Variants in PDZD7 observed in about 807,000 individuals in gnomAD.
PDZD7 encodes PDZ domain containing 7.
A neutral mutation model predicts 84.7 loss-of-function variants in PDZD7; 72 were observed. The observed-to-expected ratio is 0.85, with a 90% confidence interval of 0.70 to 1.03. PDZD7 has a LOEUF of 1.03. PDZD7 is among the 50% of genes least tolerant of loss of function. The pLI is 0.00. For synonymous variants in PDZD7, 594 were observed against 580.7 expected (o/e 1.02, Z -0.33); for missense variants, 1,490 against 1,412.9 (o/e 1.05, Z -0.87).
intron 2 of PDZD7, among the ~76,000 whole-genome samples, chr10:101,029,356 T>C (rs1047745542): frequency 7.0e-6 from 1 of 143,304 alleles, no homozygotes; most frequent in African/African-American, 2.6e-5. Flanking sequence ...CTAGGTCCCT[T>C]GTAACACCTC....
At chr10:101,023,869 A>G (rs772883913) in intron 3 of PDZD7, 59 bp downstream of exon 3, 3 of 1,613,228 alleles carry the variant, frequency 1.9e-6, no homozygotes, top group Non-Finnish European at 2.5e-6. Context: ...ATCCCCTGCC[A>G]TTCACTGAGA....
chr10:101,011,238 C>T (rs1363480525), intron 14 of PDZD7: 12 of 433,318 alleles, frequency 2.8e-5, no homozygotes, highest in Non-Finnish European at 4.4e-5. Flanking sequence ...GACGGGGTTT[C>T]GCCATGTTGG....
In PDZD7 at chr10:101,010,430, G is replaced by T. The variant is rs1365350808; in HGVS notation, c.2459C>A (p.Pro820His). 1.3e-6 allele frequency: 2 copies of T among 1,536,110 alleles called. No homozygotes were observed. Among genetic ancestry groups the T allele is most frequent in the Non-Finnish European group, 1.7e-6 (2 of 1,146,910 alleles). ...CCCATCCAGAGGTCGTGGCAGAGGG[G>T]GTCTGGCCTTCCGAGGCTTGTGGTA... ...GRYHKPRKAR[P>H]PLPRPLDGEA... Residue 820 changes from proline (P) to histidine (H), a missense_variant, in exon 15 of 17, where the codon CCC becomes CAC. Coordinates refer to ENST00000619208, the MANE Select transcript of PDZD7 (RefSeq NM_001195263.2).
chr10:101,025,536 T>TTATG, intron 2 of PDZD7, among the ~76,000 whole-genome samples: 1 of 149,234 alleles, frequency 6.7e-6, no homozygotes, highest in South Asian at 2.1e-4. Flanking sequence ...ATTTATTTAT[T>TTATG]TATTTATTTA....
At position 101,015,628 on chromosome 10, in the gene PDZD7, A is replaced by T. The variant is rs1852584795; in HGVS notation, c.1749+8T>A. On this transcript the variant is annotated splice_region_variant and intron_variant, in intron 11 of 16. Transcript: ENST00000619208. ...TGTGCCAGGGCTGCGGATGGGATGA[A>T]GGCTTACCCGGGAGCAGTGGCGGGT... 1 of 1,549,608 alleles carries T rather than the reference A, an allele frequency of 6.5e-7. No homozygotes were observed. Among genetic ancestry groups the T allele is most frequent in the African/African-American group, 1.4e-5 (1 of 73,004 alleles).
At chr10:101,028,359 C>T (rs1235814421) in intron 2 of PDZD7, among the ~76,000 whole-genome samples, 1 of 151,932 alleles carries the variant, frequency 6.6e-6, no homozygotes, top group African/African-American at 2.4e-5. Flanking sequence ...AGGCTGAGGC[C>T]GGAAGATCAC....
chr10:101,017,766 A>G, intron 9 of PDZD7: 1 of 535,172 alleles, frequency 1.9e-6, no homozygotes, highest in Non-Finnish European at 3.3e-6. Flanking sequence ...CGCCTGGGCA[A>G]CAAGAGCAAA....
chr10:101,022,499 C>T (rs2134091547), intron 4 of PDZD7, 114 bp from the exon 5 acceptor site: 1 of 1,261,372 alleles, frequency 7.9e-7, no homozygotes, highest in Non-Finnish European at 1.1e-6. Flanking sequence ...GGGGACTCCC[C>T]AGGCCTGAGA....
intron 6 of PDZD7, among the ~76,000 whole-genome samples, 183 bp downstream of exon 6, chr10:101,021,615 C>G (rs576160894): frequency 1.8e-4 from 28 of 152,294 alleles, no homozygotes; most frequent in African/African-American, 6.7e-4. Flanking sequence ...GTGACCTGTT[C>G]GTGAGTTGCT....
intron 14 of PDZD7, chr10:101,011,445 C>T: frequency 8.8e-7 from 1 of 1,130,996 alleles, no homozygotes; most frequent in Non-Finnish European, 1.2e-6. Context: ...TCAGAGGTTA[C>T]TGCATAGAAT....
Position 101,011,696 on chromosome 10 carries a change from C to CG in PDZD7, c.1998dup (p.Val667ArgfsTer3), listed in dbSNP as rs1285966344. 2 of 1,538,876 alleles carry CG rather than the reference C, an allele frequency of 1.3e-6. No homozygotes were observed. The highest frequency in any genetic ancestry group is 2.0e-5 in the Admixed American group (1 of 50,972). On this transcript the variant is annotated frameshift_variant, in exon 14 of 17. Transcript: ENST00000619208. LOFTEE classifies it high-confidence loss of function. ...CTCTGGGACTCTGACTGACCAGGCA[C>CG]GGGGGTGATAAGGTGACGCTTGGGT...
At chr10:101,023,684 C>A in intron 3 of PDZD7, 74 bp from the exon 4 acceptor site, 3 of 1,557,978 alleles carry the variant, frequency 1.9e-6, no homozygotes, top group Non-Finnish European at 2.6e-6. Context: ...GATGGAGCTC[C>A]CTGGGGTCAA....
chr10:101,017,061 C>T (rs140422914), intron 9 of PDZD7, among the ~76,000 whole-genome samples: 9 of 152,248 alleles, frequency 5.9e-5, no homozygotes, highest in Admixed American at 3.3e-4. Flanking sequence ...GTTCTTAGCC[C>T]GTGTACTCCA....
intron 11 of PDZD7, 130 bp from the exon 12 acceptor site, chr10:101,012,388 G>T: frequency 1.3e-6 from 1 of 780,202 alleles, no homozygotes; most frequent in South Asian, 1.5e-5. Flanking sequence ...CCTTGGGAAA[G>T]GTTCACTCCA....
chr10:101,011,644 C>T, intron 14 of PDZD7, 46 bp downstream of exon 14: 1 of 1,529,328 alleles, frequency 6.5e-7, no homozygotes, highest in East Asian at 2.5e-5. Context: ...TTTCCCTAAT[C>T]TCCCCAGGGC....
rs547919358 is a variant in PDZD7 at position 101,030,044 on chromosome 10, C to T, written c.176G>A (p.Arg59Gln). 7 of 1,613,802 alleles carry T rather than the reference C, an allele frequency of 4.3e-6. No individual in the cohort carries two copies. Among genetic ancestry groups the T allele is most frequent in the Admixed American group, 1.7e-5 (1 of 60,010 alleles). ...GACGCGTCCCATGGGCGATGAGGCT[C>T]GGATTCCGCGGGGGGGCCCGTTCAG... ...RLLNGPPRGI[R>Q]ASSPMGRVIL... The change falls in exon 2 of 17, where the codon CGA (arginine) becomes CAA (glutamine). Residue 59 changes from arginine to glutamine, a missense_variant. Coordinates refer to ENST00000619208, the MANE Select transcript of PDZD7 (RefSeq NM_001195263.2).
chr10:101,018,306 C>T lies in PDZD7; in HGVS notation c.1325-10G>A, dbSNP rs747612678. The T allele has an allele frequency of 1.2e-6, 2 of 1,612,664 alleles. No homozygotes were observed. The highest frequency in any genetic ancestry group is 8.5e-7 in the Non-Finnish European group (1 of 1,179,896). ...CGCTGCTGCTTCTCCTCTGCAGACA[C>T]GAGGGAGCAACGGGGGAGCTGGAGG... On this transcript the variant is annotated splice_polypyrimidine_tract_variant and intron_variant, in intron 8 of 16. Coordinates refer to ENST00000619208, the MANE Select transcript of PDZD7 (RefSeq NM_001195263.2).
In PDZD7 at chr10:101,008,405, G is replaced by A. The variant is rs981021297; in HGVS notation, c.*62C>T. The A allele has an allele frequency of 1.3e-5, 19 of 1,428,972 alleles. No homozygotes were observed. In the African/African-American group the frequency reaches 2.7e-4, roughly 20 times the overall value. The allele number at this position is 1,428,972 out of a possible 1,614,324, so 88.5% of individuals were successfully genotyped here. A position where few individuals can be genotyped will look rare whatever the true frequency, so the allele number is the denominator to read the frequency against. On this transcript the variant is annotated 3_prime_UTR_variant, in exon 17 of 17. Coordinates refer to ENST00000619208, the MANE Select transcript of PDZD7 (RefSeq NM_001195263.2). The stretch of plus-strand genomic sequence containing the variant: ...TGGAGAGTCCTGAAGAAGTTGGTAG[G>A]AGAGGTCCTGGGGATAACGGGATGC...
intron 11 of PDZD7, 93 bp from the exon 12 acceptor site, chr10:101,012,351 A>G (rs924795811): frequency 2.8e-6 from 3 of 1,072,758 alleles, no homozygotes; most frequent in East Asian, 2.6e-5. Context: ...TCTTCTACGC[A>G]TGTAGGGACC....
Sources: allele counts gnomAD v4.1 joint callset (sites outside exome capture counted in the v4.1 genomes callset), GRCh38; gene constraint gnomAD v4.1.1; transcripts MANE v1.5; gene names NCBI Gene and HGNC (gene_info 2026-07-23, HGNC 2026-07-21).